PLD1: variants seen among roughly 807,000 people sequenced by gnomAD.
The protein encoded by PLD1 is phospholipase D1, also known as choline phosphatase 1.
A neutral mutation model predicts 137.1 loss-of-function variants in PLD1; 112 were observed. The observed-to-expected ratio is 0.82, with a 90% CI of 0.70 to 0.96. The LOEUF (loss-of-function observed/expected upper bound fraction) is 0.96, where lower values mean the gene tolerates loss of function less well. Among genes scored for constraint, PLD1 ranks in the 40% least tolerant of loss-of-function variants. The pLI is 0.00. For missense variants in PLD1, 1,321 were observed against 1,342.0 expected (o/e 0.98, Z 0.24); for synonymous variants, 431 against 454.7 (o/e 0.95, Z 0.66).
chr3:171,685,733 C>T (rs1209420759), intron 16 of PLD1, among the ~76,000 whole-genome samples: 2 of 152,128 alleles, frequency 1.3e-5, no homozygotes. Context: ...TCATTAATTC[C>T]TCGAGTATCT....
chr3:171,616,271 C>T, intron 24 of PLD1, among the ~76,000 whole-genome samples: 1 of 151,974 alleles, frequency 6.6e-6, no homozygotes, highest in East Asian at 1.9e-4. Flanking sequence ...TTTACAGTAC[C>T]TTTTAATGAA....
chr3:171,801,151 T>A (rs1215443252), intron 1 of PLD1, among the ~76,000 whole-genome samples: 1 of 152,224 alleles, frequency 6.6e-6, no homozygotes, highest in Non-Finnish European at 1.5e-5. Flanking sequence ...CATTAGACTA[T>A]AAGCTGTGGG....
chr3:171,711,817 TAAAAAAAA>T (rs36106956), intron 9 of PLD1, among the ~76,000 whole-genome samples: 4 of 99,206 alleles, frequency 4.0e-5, no homozygotes, highest in African/African-American at 1.2e-4. Flanking sequence ...TTATAAATGC[TAAAAAAAA>T]AAAAAAAAAA....
At chr3:171,800,858 C>A (rs1351355915) in intron 1 of PLD1, among the ~76,000 whole-genome samples, 1 of 152,158 alleles carries the variant, frequency 6.6e-6, no homozygotes, top group South Asian at 2.1e-4. Context: ...CCTCTCTGGC[C>A]TCTTTTATAA....
At position 171,735,414 on chromosome 3, in the gene PLD1, G is replaced by T. The variant is rs539781218; in HGVS notation, c.434+78C>A. ...GCCTCCCAAAGTGGTGAGATTACAGGTGTGAGCTACCACACCCAGACAAAA... is the reference window on the plus strand; with the variant it reads ...GCCTCCCAAAGTGGTGAGATTACAGTTGTGAGCTACCACACCCAGACAAAA... On this transcript the variant is annotated intron_variant, in intron 4 of 26. Coordinates refer to ENST00000351298, the MANE Select transcript of PLD1 (RefSeq NM_002662.5). 1.7e-4 allele frequency: 206 copies of T among 1,213,706 alleles called. 3 individuals are homozygous for T. Among genetic ancestry groups the T allele is most frequent in the South Asian group, 1.7e-3 (135 of 80,040 alleles). The allele number at this position is 1,213,706 out of a possible 1,614,324, so 75.2% of individuals were successfully genotyped here. A position where few individuals can be genotyped will look rare whatever the true frequency, so the allele number is the denominator to read the frequency against.
chr3:171,674,550 CT>C lies in PLD1; in HGVS notation c.2178del (p.Ala727ProfsTer4), dbSNP rs771187817. 2.5e-6 allele frequency: 4 copies of C among 1,611,374 alleles called. No individual in the cohort carries two copies. In the African/African-American group the frequency reaches 5.3e-5, roughly 22 times the overall value. ...GGCACTTGATATCTCAACTCATGGGCTGTTGTTTGAGACTTTGGAAGCAGAA... is the reference window on the plus strand; with the variant it reads ...GGCACTTGATATCTCAACTCATGGGCGTTGTTTGAGACTTTGGAAGCAGAA... ...YPFLLPKSQT[T>X]AHELRYQVPG... On this transcript the variant is annotated frameshift_variant, in exon 19 of 27. Transcript: ENST00000351298. LOFTEE classifies it high-confidence loss of function.
At chr3:171,765,860 G>A (rs1290220399) in intron 1 of PLD1, among the ~76,000 whole-genome samples, 1 of 152,166 alleles carries the variant, frequency 6.6e-6, no homozygotes, top group Non-Finnish European at 1.5e-5. Context: ...ATCTCTCAAA[G>A]AATCTTTCCT....
Position 171,794,550 on chromosome 3 carries a change from A to G in PLD1, c.-32+15849T>C, listed in dbSNP as rs575563597. Among the ~76,000 whole-genome samples, 3 of 152,350 alleles carry G rather than the reference A, an allele frequency of 2.0e-5. No individual in the cohort carries two copies. In the East Asian group the frequency reaches 5.8e-4, roughly 29 times the overall value. On this transcript the variant is annotated intron_variant, in intron 1 of 26. Transcript: ENST00000351298. ...TTTCATACTGAAATTGACAAACACT[A>G]TAATCACATCGTTTCTGTTTTGCTA...
In PLD1 at chr3:171,639,848, C is replaced by CTCTCTCTATATATATA. The variant is rs3050415; in HGVS notation, c.2593+2991_2593+2992insTATATATATAGAGAGA. ...TCTCTCTCTCTCTCTCTCTCTCTCT[C>CTCTCTCTATATATATA]TATATATATATATATATCTCCTATT... is the stretch of plus-strand genomic sequence containing the variant. On this transcript the variant is annotated intron_variant, in intron 23 of 26. Transcript: ENST00000351298. Among the ~76,000 whole-genome samples the CTCTCTCTATATATATA allele has an allele frequency of 3.6e-3, 395 of 110,134 alleles. 4 individuals carry two copies. Among genetic ancestry groups the CTCTCTCTATATATATA allele is most frequent in the African/African-American group, 0.015 (381 of 25,434 alleles). The allele number at this position is 110,134 out of a possible 152,430, so 72.3% of individuals were successfully genotyped here.
At chr3:171,765,791 ACAT>A (rs1721943602) in intron 1 of PLD1, among the ~76,000 whole-genome samples, 1 of 152,206 alleles carries the variant, frequency 6.6e-6, no homozygotes, top group Non-Finnish European at 1.5e-5. Flanking sequence ...CCCTTTCATC[ACAT>A]CATCAACTGC....
intron 1 of PLD1, among the ~76,000 whole-genome samples, chr3:171,770,888 CA>C (rs34683994): frequency 0.016 from 636 of 40,848 alleles, 1 homozygote; most frequent in African/African-American, 0.027. Flanking sequence ...AACCCTATCT[CA>C]AAAAAAAAAA....
chr3:171,699,697 AACAG>A (rs1226973317), intron 12 of PLD1, 44 bp downstream of exon 12: 1 of 1,329,324 alleles, frequency 7.5e-7, no homozygotes, highest in Non-Finnish European at 1.1e-6. Flanking sequence ...TTTCAGAGAC[AACAG>A]ACAGTTAAAA....
chr3:171,620,764 ATATATT>A (rs1186620870), intron 23 of PLD1, among the ~76,000 whole-genome samples: 84 of 125,936 alleles, frequency 6.7e-4, no homozygotes, highest in African/African-American at 3.2e-3. Context: ...ATATATATAT[ATATATT>A]ATATATATTT....
chr3:171,630,621 C>T (rs1314133177), intron 23 of PLD1, among the ~76,000 whole-genome samples: 2 of 138,014 alleles, frequency 1.4e-5, no homozygotes, highest in East Asian at 4.1e-4. Flanking sequence ...ACCCAAATGT[C>T]CAACAATGAT....
intron 1 of PLD1, among the ~76,000 whole-genome samples, chr3:171,781,066 T>C (rs914960266): frequency 2.0e-5 from 3 of 152,096 alleles, no homozygotes; most frequent in African/African-American, 7.2e-5. Context: ...CTTCAAGACA[T>C]CGTAGTAAGT....
intron 11 of PLD1, among the ~76,000 whole-genome samples, chr3:171,704,465 A>AC (rs1354706941): frequency 1.3e-5 from 2 of 151,096 alleles, no homozygotes; most frequent in African/African-American, 4.9e-5. Flanking sequence ...CAGGAAAAAA[A>AC]AAAAAAAAAA....
chr3:171,730,334 C>G (rs181743640), intron 6 of PLD1, among the ~76,000 whole-genome samples: 11 of 151,062 alleles, frequency 7.3e-5, no homozygotes. Context: ...GAAAACTGAA[C>G]AAATCACCAA....
chr3:171,652,641 A>T (rs1174096267), intron 21 of PLD1, among the ~76,000 whole-genome samples: 1 of 151,474 alleles, frequency 6.6e-6, no homozygotes, highest in East Asian at 1.9e-4. Flanking sequence ...TTGCTCTGTT[A>T]CCCAGGCTGG....
chr3:171,742,581 T>TA (rs1182081549), intron 1 of PLD1, among the ~76,000 whole-genome samples: 3 of 151,516 alleles, frequency 2.0e-5, no homozygotes, highest in South Asian at 2.1e-4. Context: ...TGTATGAACG[T>TA]AAAAAAAAAT....
Sources: gnomAD v4.1 joint callset for allele counts (sites outside exome capture counted in the v4.1 genomes callset) on GRCh38, gnomAD v4.1.1 for gene constraint, MANE v1.5 for transcripts, NCBI Gene and HGNC (gene_info 2026-07-23, HGNC 2026-07-21) for gene names.